LRRC4C: variants seen among roughly 807,000 people sequenced by gnomAD.
LRRC4C encodes the protein leucine-rich repeat-containing protein 4C.
LRRC4C carries 5 observed loss-of-function variants against 33.6 expected under a neutral mutation model. The ratio of observed to expected loss-of-function variants is 0.15; its 90% CI spans 0.08 to 0.31. The LOEUF (loss-of-function observed/expected upper bound fraction) is 0.31, where lower values mean the gene tolerates loss of function less well. LRRC4C is among the 10% of genes least tolerant of loss of function. The pLI is 1.00. For missense variants in LRRC4C, 560 were observed against 796.7 expected, an observed-to-expected ratio of 0.70 and a Z score of 3.58; for synonymous variants, 329 against 302.0, an observed-to-expected ratio of 1.09 and a Z score of -0.93.
intron 2 of LRRC4C, among the ~76,000 whole-genome samples, chr11:40,745,599 C>T (rs915671525): frequency 6.6e-6 from 1 of 151,890 alleles, no homozygotes; most frequent in African/African-American, 2.4e-5. Flanking sequence ...ATAATTCAGC[C>T]TATATAACAC....
intron 2 of LRRC4C, among the ~76,000 whole-genome samples, chr11:40,884,984 G>A (rs138563702): frequency 1.3e-5 from 2 of 151,954 alleles, no homozygotes; most frequent in East Asian, 1.9e-4. Context: ...TCAAAAAGGT[G>A]GGGGGTGAGA....
intron 4 of LRRC4C, chr11:40,292,394 A>G (rs912681510): frequency 7.9e-5 from 12 of 152,200 alleles, no homozygotes; most frequent in East Asian, 1.9e-4. Flanking sequence ...CTCTCCCCCA[A>G]TCAATGCCTC....
intron 1 of LRRC4C, among the ~76,000 whole-genome samples, chr11:41,115,944 G>C (rs1942098611): frequency 6.6e-6 from 1 of 152,040 alleles, no homozygotes; most frequent in Non-Finnish European, 1.5e-5. Context: ...TGATTATCCT[G>C]TTCCAAAGGT....
chr11:40,652,946 T>C (rs1326514423), intron 2 of LRRC4C, among the ~76,000 whole-genome samples: 1 of 152,160 alleles, frequency 6.6e-6, no homozygotes, highest in Non-Finnish European at 1.5e-5. Context: ...GTTCTCATGC[T>C]AGTGAGTAAA....
intron 5 of LRRC4C, among the ~76,000 whole-genome samples, chr11:40,195,095 A>C (rs80046876): frequency 7.3e-6 from 1 of 136,984 alleles, no homozygotes; most frequent in Non-Finnish European, 1.6e-5. Flanking sequence ...CGTCTCAAAG[A>C]AAAAAAAAAA....
chr11:40,740,486 G>A (rs1948102484), intron 2 of LRRC4C, among the ~76,000 whole-genome samples: 1 of 151,668 alleles, frequency 6.6e-6, no homozygotes, highest in African/African-American at 2.4e-5. Context: ...ATTAAAAAAA[G>A]TCAAGTTGTT....
intron 1 of LRRC4C, among the ~76,000 whole-genome samples, chr11:41,084,660 C>T (rs1292249435): frequency 6.6e-6 from 1 of 152,150 alleles, no homozygotes; most frequent in East Asian, 1.9e-4. Context: ...ACCAGCCTGG[C>T]CAACATGGTG....
intron 1 of LRRC4C, among the ~76,000 whole-genome samples, chr11:41,098,203 T>C (rs1036456456): frequency 5.9e-5 from 9 of 152,130 alleles, no homozygotes; most frequent in Non-Finnish European, 8.8e-5. Flanking sequence ...AAGATAGGCA[T>C]ATGATTATGG....
chr11:40,770,073 C>T (rs1040316000), intron 2 of LRRC4C, among the ~76,000 whole-genome samples: 6 of 152,098 alleles, frequency 3.9e-5, no homozygotes, highest in African/African-American at 1.2e-4. Context: ...AGAAGAAACA[C>T]ACAGAATGAC....
chr11:41,053,660 T>C (rs1858417280), intron 1 of LRRC4C, among the ~76,000 whole-genome samples: 1 of 152,186 alleles, frequency 6.6e-6, no homozygotes, highest in African/African-American at 2.4e-5. Context: ...CTATACTTAA[T>C]TGGAGATCCC....
intron 2 of LRRC4C, among the ~76,000 whole-genome samples, chr11:40,922,974 G>GCCCA: frequency 6.6e-6 from 1 of 152,054 alleles, no homozygotes; most frequent in Non-Finnish European, 1.5e-5. Context: ...GCAGGCATAC[G>GCCCA]CCACCACACC....
chr11:41,185,350 A>G (rs1945646444), intron 1 of LRRC4C, among the ~76,000 whole-genome samples: 1 of 152,150 alleles, frequency 6.6e-6, no homozygotes, highest in African/African-American at 2.4e-5. Context: ...ATCCACCCAA[A>G]GCAAAAATCC....
intron 1 of LRRC4C, among the ~76,000 whole-genome samples, chr11:41,346,113 T>C (rs1951795815): frequency 6.6e-6 from 1 of 152,150 alleles, no homozygotes. Flanking sequence ...CAGAACAAAT[T>C]ATATTCTATA....
At chr11:40,212,714 G>C (rs1863693017) in intron 5 of LRRC4C, among the ~76,000 whole-genome samples, 1 of 152,104 alleles carries the variant, frequency 6.6e-6, no homozygotes, top group African/African-American at 2.4e-5. Flanking sequence ...TACTTCATTT[G>C]TCAGAAGAGA....
At chr11:41,445,970 A>C (rs1252488488) in intron 1 of LRRC4C, among the ~76,000 whole-genome samples, 2 of 151,938 alleles carry the variant, frequency 1.3e-5, no homozygotes, top group African/African-American at 4.8e-5. Flanking sequence ...TTAATCATTT[A>C]GATGACATTA....
chr11:40,574,246 C>T (rs758069144), intron 3 of LRRC4C, among the ~76,000 whole-genome samples: 2 of 152,124 alleles, frequency 1.3e-5, no homozygotes, highest in Non-Finnish European at 2.9e-5. Flanking sequence ...GTTAACCAGA[C>T]AGCAGACCAA....
intron 3 of LRRC4C, among the ~76,000 whole-genome samples, chr11:40,321,631 C>T (rs1945853728): frequency 6.6e-6 from 1 of 152,156 alleles, no homozygotes; most frequent in South Asian, 2.1e-4. Context: ...ATGAACTGTG[C>T]TATGTATCCT....
At chr11:41,282,773 G>A (rs532973706) in intron 1 of LRRC4C, among the ~76,000 whole-genome samples, 183 of 152,304 alleles carry the variant, frequency 1.2e-3, no homozygotes, top group Non-Finnish European at 2.2e-3. Flanking sequence ...GCAGATGTGG[G>A]CATCTGAATC....
chr11:41,180,525 C>T (rs749300622), intron 1 of LRRC4C, among the ~76,000 whole-genome samples: 6 of 152,144 alleles, frequency 3.9e-5, no homozygotes, highest in Non-Finnish European at 7.3e-5. Flanking sequence ...AGTGAGAGAT[C>T]GTCCGCTTCC....
Sources: allele counts gnomAD v4.1 joint callset (sites outside exome capture counted in the v4.1 genomes callset), GRCh38; gene constraint gnomAD v4.1.1; transcripts MANE v1.5; gene names NCBI Gene and HGNC (gene_info 2026-07-23, HGNC 2026-07-21).